Variants in RALGAPA2 observed in about 807,000 individuals in gnomAD.
RALGAPA2 encodes the protein Ral GTPase activating protein catalytic subunit alpha 2, also known as ral GTPase-activating protein subunit alpha-2.
RALGAPA2 carries 139 observed loss-of-function variants against 230.4 expected under a neutral mutation model. That is an observed-to-expected ratio of 0.60 (90% confidence interval 0.53 to 0.69). RALGAPA2 has a LOEUF of 0.69. Among genes scored for constraint, RALGAPA2 ranks in the 30% least tolerant of loss-of-function variants. The pLI, the probability that RALGAPA2 is intolerant of heterozygous loss-of-function variation, is 0.00. For synonymous variants in RALGAPA2, 847 were observed against 837.8 expected (o/e 1.01, Z -0.19); for missense variants, 2,163 against 2,276.0 (o/e 0.95, Z 1.01).
At chr20:20,396,808 A>G (rs1189038312) in intron 38 of RALGAPA2, 74 bp from the exon 39 acceptor site, 3 of 1,243,318 alleles carry the variant, frequency 2.4e-6, no homozygotes, top group African/African-American at 3.0e-5. Flanking sequence ...TAACTAACAC[A>G]GTGCTAATAA....
intron 38 of RALGAPA2, among the ~76,000 whole-genome samples, chr20:20,406,250 G>A (rs1014472914): frequency 6.6e-6 from 1 of 151,854 alleles, no homozygotes; most frequent in African/African-American, 2.4e-5. Flanking sequence ...CTCAAGCATC[G>A]GTATCTTTAC....
At chr20:20,640,006 G>A in intron 6 of RALGAPA2, 106 bp from the exon 7 acceptor site, 2 of 820,904 alleles carry the variant, frequency 2.4e-6, no homozygotes, top group South Asian at 1.5e-5. Context: ...TCCATCCACT[G>A]AAGCAGCTCA....
chr20:20,611,405 T>C lies in RALGAPA2; in HGVS notation c.1710A>G (p.Leu570=). Residue 570 remains leucine, a synonymous_variant, in exon 14 of 40, where the codon CTA becomes CTG. Transcript: ENST00000202677. ...KKTWEQMLQI[L]LRITEAVMQK... ...GCATGACAGCTTCTGTTATCCTGAGTAGTATTTGCAACATCTGTTCCCTGG... is the reference window on the plus strand; with the variant it reads ...GCATGACAGCTTCTGTTATCCTGAGCAGTATTTGCAACATCTGTTCCCTGG... 1 of 1,613,070 alleles carries C rather than the reference T, an allele frequency of 6.2e-7. No individual in the cohort carries two copies. The highest frequency in any genetic ancestry group is 8.5e-7 in the Non-Finnish European group (1 of 1,179,354).
intron 38 of RALGAPA2, among the ~76,000 whole-genome samples, chr20:20,400,775 A>G (rs2059816275): frequency 6.6e-6 from 1 of 152,214 alleles, no homozygotes; most frequent in Non-Finnish European, 1.5e-5. Flanking sequence ...AAAAGTGGAA[A>G]CAGCCCGAAT....
intron 23 of RALGAPA2, among the ~76,000 whole-genome samples, chr20:20,563,359 G>C (rs928608669): frequency 3.9e-5 from 6 of 152,236 alleles, no homozygotes; most frequent in African/African-American, 1.4e-4. Flanking sequence ...ATATGTCTTG[G>C]CTAACAAAAA....
chr20:20,588,532 G>C (rs150968578), intron 18 of RALGAPA2, among the ~76,000 whole-genome samples: 1 of 152,178 alleles, frequency 6.6e-6, no homozygotes, highest in Admixed American at 6.5e-5. Flanking sequence ...CAAGGAAGGA[G>C]TGTAGAAGCC....
intron 37 of RALGAPA2, among the ~76,000 whole-genome samples, chr20:20,420,544 G>C (rs1256665349): frequency 6.6e-6 from 1 of 152,186 alleles, no homozygotes; most frequent in Non-Finnish European, 1.5e-5. Context: ...AGCATAACCA[G>C]GAAGGACTAT....
intron 16 of RALGAPA2, among the ~76,000 whole-genome samples, chr20:20,594,433 T>C (rs1602988607): frequency 6.6e-6 from 1 of 152,104 alleles, no homozygotes; most frequent in Non-Finnish European, 1.5e-5. Flanking sequence ...AAAATCATTT[T>C]AATAGTGATA....
intron 23 of RALGAPA2, 124 bp downstream of exon 23, chr20:20,571,334 A>G (rs1426257583): frequency 4.6e-6 from 5 of 1,094,378 alleles, no homozygotes; most frequent in African/African-American, 3.2e-5. Context: ...TGTGTGTAAA[A>G]GAGTTGAAAC....
At chr20:20,645,944 T>C (rs1460756819) in intron 4 of RALGAPA2, among the ~76,000 whole-genome samples, 1 of 151,204 alleles carries the variant, frequency 6.6e-6, no homozygotes, top group Non-Finnish European at 1.5e-5. Flanking sequence ...TAAGGAACTC[T>C]TTTTTAATAA....
At chr20:20,604,906 A>G (rs2146235548) in intron 15 of RALGAPA2, among the ~76,000 whole-genome samples, 1 of 152,354 alleles carries the variant, frequency 6.6e-6, no homozygotes, top group East Asian at 1.9e-4. Flanking sequence ...AATATGTACA[A>G]TGTAATAGCC....
In RALGAPA2 at chr20:20,531,795, T is replaced by C. The variant is rs1216553659; in HGVS notation, c.3474A>G (p.Arg1158=). ...CCCCAAGGGAGCAAACAGCAATGCA[T>C]CTTTTTAAAAAGAAGAAAACAGAGG... ...NATEEPNEYA[R]CIAVCSLGVW... is the part of the protein sequence containing the mutation. The change falls in exon 27 of 40, where the codon AGA becomes AGG. Residue 1158 remains arginine, a splice_region_variant and synonymous_variant. Coordinates refer to ENST00000202677, the MANE Select transcript of RALGAPA2 (RefSeq NM_020343.4). 1.3e-6 allele frequency: 2 copies of C among 1,590,650 alleles called. No individual in the cohort carries two copies. The highest frequency in any genetic ancestry group is 1.7e-6 in the Non-Finnish European group (2 of 1,167,536).
At chr20:20,524,977 G>T in intron 28 of RALGAPA2, 79 bp from the exon 29 acceptor site, 1 of 1,310,508 alleles carries the variant, frequency 7.6e-7, no homozygotes. Flanking sequence ...TCCCACGATG[G>T]CCTTGCAACT....
rs765531381 is a variant in RALGAPA2, at chr20:20,635,636, C to T, written c.806-19G>A. The T allele has an allele frequency of 1.0e-5, 15 of 1,488,304 alleles. No homozygotes were observed. In the South Asian group the frequency reaches 2.0e-4, roughly 19 times the overall value. 92.2% of individuals were successfully genotyped at this position (1,488,304 alleles called of 1,614,324 possible). On this transcript the variant is annotated intron_variant, in intron 8 of 39. Transcript: ENST00000202677. ...GGGATGTCTGGTAGAAGAAAGAACA[C>T]ATGATTGATTAGGTTAATAAATCAT...
At chr20:20,552,575 T>G (rs992741356) in intron 23 of RALGAPA2, among the ~76,000 whole-genome samples, 3 of 152,164 alleles carry the variant, frequency 2.0e-5, no homozygotes, top group African/African-American at 7.2e-5. Flanking sequence ...AAGATATGAT[T>G]CATTCTATAC....
At chr20:20,448,794 G>C (rs534839582) in intron 37 of RALGAPA2, among the ~76,000 whole-genome samples, 19 of 151,036 alleles carry the variant, frequency 1.3e-4, no homozygotes, top group Admixed American at 1.3e-4. Context: ...TACTCTCAGT[G>C]AAGAGAATGA....
intron 16 of RALGAPA2, among the ~76,000 whole-genome samples, chr20:20,594,728 C>CT (rs759189397): frequency 0.07 from 9,392 of 134,014 alleles, 419 homozygotes; most frequent in East Asian, 0.17. Context: ...CTATTACTTT[C>CT]TTTTTTTTTT....
intron 37 of RALGAPA2, among the ~76,000 whole-genome samples, chr20:20,461,864 T>C (rs1174351594): frequency 2.0e-5 from 3 of 152,146 alleles, no homozygotes; most frequent in African/African-American, 4.8e-5. Flanking sequence ...TCCCACTTCA[T>C]AGGCAAATGA....
At chr20:20,604,198 C>T (rs761729720) in intron 15 of RALGAPA2, among the ~76,000 whole-genome samples, 2 of 152,140 alleles carry the variant, frequency 1.3e-5, no homozygotes, top group Non-Finnish European at 2.9e-5. Context: ...GTACTATATG[C>T]CTTTCTATGA....
Sources: gnomAD v4.1 joint callset for allele counts (sites outside exome capture counted in the v4.1 genomes callset) on GRCh38, gnomAD v4.1.1 for gene constraint, MANE v1.5 for transcripts, NCBI Gene and HGNC (gene_info 2026-07-23, HGNC 2026-07-21) for gene names.